NFYC: variants seen among roughly 807,000 people sequenced by gnomAD.
NFYC encodes the protein CAAT box DNA-binding protein subunit C.
A neutral mutation model predicts 53.1 loss-of-function variants in NFYC; 25 were observed. That is an observed-to-expected ratio of 0.47 (90% CI 0.34 to 0.66). NFYC has a LOEUF of 0.66. NFYC is among the 30% of genes least tolerant of loss of function. NFYC has a pLI of 0.01. For missense variants in NFYC, 260 were observed against 422.7 expected (o/e 0.62, Z 3.38); for synonymous variants, 145 against 152.6 (o/e 0.95, Z 0.37).
At chr1:40,709,927 G>A (rs186147737) in intron 1 of NFYC, among the ~76,000 whole-genome samples, 59 of 152,362 alleles carry the variant, frequency 3.9e-4, no homozygotes, top group African/African-American at 1.3e-3. Flanking sequence ...TTGTTCAAGT[G>A]CCCTGAAGCT....
At position 40,714,508 on chromosome 1, in the gene NFYC, C is replaced by T. The variant is rs1330245300; in HGVS notation, c.-9+22641C>T. On this transcript the variant is annotated intron_variant, in intron 1 of 9. Coordinates refer to ENST00000447388, the MANE Select transcript of NFYC (RefSeq NM_014223.5). ...TCCATTGAAAGAATGAGGGCTTGAA[C>T]GATGTAAGTTATGTAATATTTAAGT... is the stretch of plus-strand genomic sequence containing the variant. Among the ~76,000 whole-genome samples, 5 of 152,140 alleles carry T rather than the reference C, an allele frequency of 3.3e-5. No individual in the cohort carries two copies. The East Asian group carries it at 7.7e-4, about 23-fold the overall frequency.
chr1:40,733,759 T>C (rs1644887106), intron 1 of NFYC, among the ~76,000 whole-genome samples: 1 of 151,838 alleles, frequency 6.6e-6, no homozygotes, highest in Non-Finnish European at 1.5e-5. Flanking sequence ...TATTCTTCTT[T>C]TTGAGATGGA....
In NFYC at chr1:40,753,136, T is replaced by C; in HGVS notation, c.292-15T>C. 2.5e-6 allele frequency: 4 copies of C among 1,594,290 alleles called. No homozygotes were observed. The highest frequency in any genetic ancestry group is 3.4e-6 in the Non-Finnish European group (4 of 1,162,532). On this transcript the variant is annotated splice_polypyrimidine_tract_variant and intron_variant, in intron 4 of 9. Transcript: ENST00000447388. ...TCCCCAGGCTAATTTTTCACACCGC[T>C]CTTCTTTGTTACAGAGAAATGATAT...
intron 1 of NFYC, among the ~76,000 whole-genome samples, chr1:40,726,179 G>T (rs922734910): frequency 6.6e-6 from 1 of 151,664 alleles, no homozygotes; most frequent in Non-Finnish European, 1.5e-5. Context: ...GTGCAGTGGC[G>T]CCATCTCAGC....
At chr1:40,747,022 A>C (rs1424292368) in intron 2 of NFYC, among the ~76,000 whole-genome samples, 2 of 152,314 alleles carry the variant, frequency 1.3e-5, no homozygotes, top group East Asian at 1.9e-4. Context: ...GGTTAGTGCA[A>C]ATGTCAGAAA....
intron 1 of NFYC, among the ~76,000 whole-genome samples, chr1:40,717,518 C>A (rs1169913091): frequency 6.6e-6 from 1 of 152,130 alleles, no homozygotes; most frequent in Non-Finnish European, 1.5e-5. Flanking sequence ...GGTCTTCTGA[C>A]AAGTTCAACT....
Position 40,713,194 on chromosome 1 carries a change from T to TC in NFYC, c.-9+21334dup, listed in dbSNP as rs1187929327. Among the ~76,000 whole-genome samples, 5 of 152,230 alleles carry TC rather than the reference T, an allele frequency of 3.3e-5. No individual in the cohort carries two copies. In the South Asian group the frequency reaches 6.2e-4, roughly 19 times the overall value. On this transcript the variant is annotated intron_variant, in intron 1 of 9. Coordinates refer to ENST00000447388, the MANE Select transcript of NFYC (RefSeq NM_014223.5). ...CATCTATTTTTAGGACTTCCTTTTT[T>TC]CCCCCCCAGGGGTGGGGTTGATATT...
At chr1:40,701,127 C>T (rs1214490444) in intron 1 of NFYC, among the ~76,000 whole-genome samples, 2 of 152,062 alleles carry the variant, frequency 1.3e-5, no homozygotes, top group African/African-American at 2.4e-5. Flanking sequence ...GAGAGAGTCT[C>T]GCCCTGTCAC....
chr1:40,700,688 A>G (rs1207882736), intron 1 of NFYC, among the ~76,000 whole-genome samples: 1 of 152,166 alleles, frequency 6.6e-6, no homozygotes, highest in African/African-American at 2.4e-5. Flanking sequence ...TATGAGGTTC[A>G]AGGCTGGTCT....
intron 1 of NFYC, among the ~76,000 whole-genome samples, chr1:40,702,403 C>T (rs1643483039): frequency 6.8e-6 from 1 of 146,100 alleles, no homozygotes; most frequent in Non-Finnish European, 1.5e-5. Flanking sequence ...AGTGCAGTGG[C>T]GTGATCTTGG....
At chr1:40,713,431 T>C (rs910677629) in intron 1 of NFYC, among the ~76,000 whole-genome samples, 2 of 152,246 alleles carry the variant, frequency 1.3e-5, no homozygotes, top group African/African-American at 4.8e-5. Flanking sequence ...GGCTTTTGTT[T>C]TTAAAACAAG....
In NFYC at chr1:40,761,146, G is replaced by A. The variant is rs1481284208; in HGVS notation, c.562-1742G>A. Among the ~76,000 whole-genome samples, 5 of 152,172 alleles carry A rather than the reference G, an allele frequency of 3.3e-5. No homozygotes were observed. The South Asian group carries it at 6.2e-4, about 19-fold the overall frequency. Reference sequence around the variant, plus strand: ...TTAGAAATACCTTGGAAATCCTCTCGGGAAAATTGGGTTGATACAGTACAG... The same window carrying A: ...TTAGAAATACCTTGGAAATCCTCTCAGGAAAATTGGGTTGATACAGTACAG... On this transcript the variant is annotated intron_variant, in intron 6 of 9. Transcript: ENST00000447388.
At chr1:40,767,214 C>G in intron 8 of NFYC, 1 of 507,828 alleles carries the variant, frequency 2.0e-6, no homozygotes, top group South Asian at 2.1e-5. Context: ...GGGCTGCCTC[C>G]CTGGGCTTGG....
intron 7 of NFYC, chr1:40,763,414 T>G (rs893888192): frequency 4.4e-6 from 2 of 454,496 alleles, no homozygotes; most frequent in Non-Finnish European, 8.8e-6. Context: ...TGGCTTGATC[T>G]CAGCTCACTG....
Position 40,753,311 on chromosome 1 carries a change from C to A in NFYC, c.387+65C>A, listed in dbSNP as rs931685844. On this transcript the variant is annotated intron_variant, in intron 5 of 9. Transcript: ENST00000447388. ...GCGCTTTGTATACTGGTGTCAGATA[C>A]GCTCCTTCTCTCTCAGCACAAGTCA... The A allele has an allele frequency of 8.5e-6, 9 of 1,060,898 alleles. No homozygotes were observed. In the East Asian group the frequency reaches 1.7e-4, roughly 20 times the overall value. The allele number at this position is 1,060,898 out of a possible 1,614,324, so 65.7% of individuals were successfully genotyped here.
At chr1:40,698,958 T>C (rs1279511658) in intron 1 of NFYC, among the ~76,000 whole-genome samples, 1 of 150,682 alleles carries the variant, frequency 6.6e-6, no homozygotes, top group African/African-American at 2.4e-5. Context: ...AGGTCAGGAG[T>C]TTAAGACCAG....
chr1:40,723,750 G>A (rs1356124932), intron 1 of NFYC: 2 of 152,014 alleles, frequency 1.3e-5, no homozygotes, highest in Non-Finnish European at 2.9e-5. Context: ...GCTCACTGCA[G>A]GCTTGACCAC....
chr1:40,766,947 T>C (rs932107722), intron 8 of NFYC: 13 of 1,552,222 alleles, frequency 8.4e-6, no homozygotes, highest in Non-Finnish European at 1.1e-5. Flanking sequence ...AGGGGAAGCC[T>C]CGAAGGTGCC....
chr1:40,703,513 G>A (rs965166915), intron 1 of NFYC, among the ~76,000 whole-genome samples: 1 of 118,210 alleles, frequency 8.5e-6, no homozygotes, highest in Admixed American at 8.6e-5. Flanking sequence ...AGCTCTTATT[G>A]CAGTTAACCA....
Sources: gnomAD v4.1 joint callset for allele counts (sites outside exome capture counted in the v4.1 genomes callset) on GRCh38, gnomAD v4.1.1 for gene constraint, MANE v1.5 for transcripts, NCBI Gene and HGNC (gene_info 2026-07-23, HGNC 2026-07-21) for gene names.